PLEC: variants seen among roughly 807,000 people sequenced by gnomAD.
PLEC encodes the protein plectin, also known as hemidesmosomal protein 1.
PLEC carries 216 observed loss-of-function variants against 392.8 expected under a neutral mutation model. That is an observed-to-expected ratio of 0.55 (90% CI 0.49 to 0.62). The LOEUF is 0.62. PLEC is among the 20% of genes least tolerant of loss of function. PLEC has a pLI of 0.00. For missense variants in PLEC, 6,863 were observed against 6,563.4 expected (o/e 1.05, Z -1.58); for synonymous variants, 3,621 against 2,980.6 (o/e 1.21, Z -7.00).
Position 143,916,262 on chromosome 8 carries a change from G to A in PLEC, c.13559C>T (p.Ser4520Phe). ...GSGFSMTFSS[S>F]SYSSSGYGRR... Reference sequence around the variant, plus strand: ...GCCGTAGCCCGAGGAGGAGTAGGAGGATGAAGAGAAGGTCATGGAGAAGCC... The same window carrying A: ...GCCGTAGCCCGAGGAGGAGTAGGAGAATGAAGAGAAGGTCATGGAGAAGCC... The change falls in exon 32 of 32, where the codon TCC (serine) becomes TTC (phenylalanine). Residue 4520 changes from serine (S) to phenylalanine (F), a missense_variant. Coordinates refer to ENST00000345136, the MANE Select transcript of PLEC (RefSeq NM_201384.3). 6.4e-7 allele frequency: 1 copy of A among 1,551,178 alleles called. No homozygotes were observed. Among genetic ancestry groups the A allele is most frequent in the South Asian group, 1.2e-5 (1 of 85,460 alleles).
intron 1 of PLEC, chr8:143,946,415 CT>C: frequency 1.6e-6 from 2 of 1,286,130 alleles, no homozygotes; most frequent in Non-Finnish European, 2.0e-6. Flanking sequence ...GGCCAGGCTG[CT>C]CCGAGAGCCG....
Position 143,932,615 on chromosome 8 carries a change from C to G in PLEC, c.1815+20G>C. 1 of 1,611,240 alleles carries G rather than the reference C, an allele frequency of 6.2e-7. No individual in the cohort carries two copies. The highest frequency in any genetic ancestry group is 8.5e-7 in the Non-Finnish European group (1 of 1,179,320). The stretch of plus-strand genomic sequence containing the variant: ...GCCGCGGGCTACCCACCTCCCCCGG[C>G]TGGCCCTGCCCCCACTCACCAGCAG... On this transcript the variant is annotated intron_variant, in intron 15 of 31. Coordinates refer to ENST00000345136, the MANE Select transcript of PLEC (RefSeq NM_201384.3).
chr8:143,968,124 C>T (rs1333445268), intron 1 of PLEC, among the ~76,000 whole-genome samples: 1 of 147,244 alleles, frequency 6.8e-6, no homozygotes, highest in African/African-American at 2.5e-5. Context: ...CGAGACAGAG[C>T]GAGACTTCGT....
rs1554682758 is a variant in PLEC at position 143,920,725 on chromosome 8, C to T, written c.9096G>A (p.Glu3032=). 1.2e-6 allele frequency: 2 copies of T among 1,603,698 alleles called. No homozygotes were observed. Among genetic ancestry groups the T allele is most frequent in the Non-Finnish European group, 1.7e-6 (2 of 1,179,914 alleles). Residue 3032 remains glutamate, a synonymous_variant, in exon 32 of 32, where the codon GAG becomes GAA. Coordinates refer to ENST00000345136, the MANE Select transcript of PLEC (RefSeq NM_201384.3). ...GANVIAGVWL[E]EAGQKLSIYN... is the part of the protein sequence containing the mutation. ...AGATACTCAGCTTCTGCCCCGCCTC[C>T]TCCAGCCATACACCCGCGATGACGT...
At chr8:143,961,486 A>G (rs1832871591) in intron 1 of PLEC, among the ~76,000 whole-genome samples, 1 of 152,160 alleles carries the variant, frequency 6.6e-6, no homozygotes, top group Non-Finnish European at 1.5e-5. Context: ...GGCCCCCCAA[A>G]GTGTTGGGAT....
rs376694088 is a variant in PLEC at position 143,948,675 on chromosome 8, G to T, written c.523+1509C>A. On this transcript the variant is annotated intron_variant, in intron 1 of 31. Transcript: ENST00000322810. Reference sequence around the variant, plus strand: ...CCTCCATCGGGGAGGGGTGCCCTCCGCTCTGCCTGCTGCAGCCACACCCAG... The same window carrying T: ...CCTCCATCGGGGAGGGGTGCCCTCCTCTCTGCCTGCTGCAGCCACACCCAG... Among the ~76,000 whole-genome samples, 9 of 152,310 alleles carry T rather than the reference G, an allele frequency of 5.9e-5. No individual in the cohort carries two copies. In the South Asian group the frequency reaches 1.4e-3, roughly 25 times the overall value.
Position 143,932,574 on chromosome 8 carries a change from G to A in PLEC, c.1816-13C>T, listed in dbSNP as rs542683733. The A allele has an allele frequency of 6.2e-7, 1 of 1,612,466 alleles. No individual in the cohort carries two copies. Among genetic ancestry groups the A allele is most frequent in the African/African-American group, 1.3e-5 (1 of 75,034 alleles). On this transcript the variant is annotated splice_polypyrimidine_tract_variant and intron_variant, in intron 15 of 31. Coordinates refer to ENST00000345136, the MANE Select transcript of PLEC (RefSeq NM_201384.3). ...CCTTGGAGGAGTTCTGTGGGCAGGAGGGTGCGTGTCAGCAGGCCGCGGGCT... is the reference window on the plus strand; with the variant it reads ...CCTTGGAGGAGTTCTGTGGGCAGGAAGGTGCGTGTCAGCAGGCCGCGGGCT...
chr8:143,927,205 G>A (rs369087784), intron 28 of PLEC, 47 bp downstream of exon 28: 125 of 1,592,570 alleles, frequency 7.8e-5, no homozygotes, highest in Non-Finnish European at 9.8e-5. Flanking sequence ...CCATCATCCT[G>A]GCAACGGTCC....
At chr8:143,953,988 G>C (rs1227230665), upstream of PLEC, 2 of 1,222,544 alleles carry the variant, frequency 1.6e-6, no homozygotes, top group African/African-American at 3.2e-5. Context: ...CCCAGCCTGT[G>C]GTTCTGGGGC....
At chr8:143,964,938 C>G (rs1228769456) in intron 1 of PLEC, among the ~76,000 whole-genome samples, 3 of 152,192 alleles carry the variant, frequency 2.0e-5, no homozygotes, top group Admixed American at 6.5e-5. Flanking sequence ...CTACCTCCTT[C>G]TGCTCCTGCA....
At position 143,935,941 on chromosome 8, in the gene PLEC, C is replaced by T. The variant is rs782657140; in HGVS notation, c.509G>A (p.Arg170Gln). 11 of 1,612,932 alleles carry T rather than the reference C, an allele frequency of 6.8e-6. No homozygotes were observed. The highest frequency in any genetic ancestry group is 4.0e-5 in the African/African-American group (3 of 75,038). Residue 170 changes from arginine (R) to glutamine (Q), a missense_variant, in exon 6 of 32, where the codon CGA becomes CAA. Coordinates refer to ENST00000345136, the MANE Select transcript of PLEC (RefSeq NM_201384.3). The stretch of plus-strand genomic sequence containing the variant: ...CAGGCCCTGGTACCCCTCCACCATT[C>T]GCTGCGACCACAGCAGCAGCTTCTC... ...AKEKLLLWSQ[R>Q]MVEGYQGLRC...
chr8:143,950,242 C>T (rs1831989480), exon 1 of PLEC: 2 of 1,562,670 alleles, frequency 1.3e-6, no homozygotes, highest in Non-Finnish European at 1.7e-6. Flanking sequence ...TGGTAGCAGG[C>T]ACCACAGGGG....
chr8:143,937,875 G>A (rs1040484676), intron 3 of PLEC: 5 of 632,608 alleles, frequency 7.9e-6, no homozygotes, highest in Admixed American at 2.1e-5. Flanking sequence ...CGGAGCATGA[G>A]GTTACTGTGT....
At chr8:143,953,780 C>G (rs782041947), upstream of PLEC, 9 of 1,611,954 alleles carry the variant, frequency 5.6e-6, no homozygotes, top group South Asian at 1.1e-5. Flanking sequence ...ATGTCTGCGC[C>G]GGGGCTGAGG....
In PLEC at chr8:143,946,435, G is replaced by A. The variant is rs1554732280; in HGVS notation, c.523+3749C>T. ...GGCTGCTCCGAGAGCCGGCAGGGAG[G>A]AAGGCGAGGCAGGAAGGAGGGAAGG... is the stretch of plus-strand genomic sequence containing the variant. On this transcript the variant is annotated intron_variant, in intron 1 of 31. Transcript: ENST00000322810. 2.3e-6 allele frequency: 3 copies of A among 1,283,286 alleles called. No individual in the cohort carries two copies. In the South Asian group the frequency reaches 3.7e-5, roughly 16 times the overall value. The allele number at this position is 1,283,286 out of a possible 1,614,324, so 79.5% of individuals were successfully genotyped here.
intron 28 of PLEC, 42 bp from the exon 29 acceptor site, chr8:143,927,123 G>T: frequency 6.4e-7 from 1 of 1,572,624 alleles, no homozygotes. Context: ...TCTGCCCTCC[G>T]ATGGCCCCTG....
At position 143,973,021 on chromosome 8, in the gene PLEC, C is replaced by CT. The variant is rs1833508787; in HGVS notation, c.70+381dup. 6.6e-6 allele frequency among the ~76,000 whole-genome samples: 1 copy of CT among 152,194 alleles called. No individual in the cohort carries two copies. Among genetic ancestry groups the CT allele is most frequent in the East Asian group, 1.9e-4 (1 of 5,188 alleles). ...TGTGACCCATTGCCAGGCGGCGGAG[C>CT]TGCCCCTGTTCCATGCAGACGCGCC... On this transcript the variant is annotated intron_variant, in intron 1 of 31. Transcript: ENST00000356346. This position sits in a 1 kb window ranked among gnomAD's most constrained non-coding sequence, Gnocchi z 5.6.
chr8:143,928,033 G>T (rs369888784), intron 25 of PLEC, 41 bp from the exon 26 acceptor site: 6 of 1,560,102 alleles, frequency 3.8e-6, no homozygotes, highest in Non-Finnish European at 4.3e-6. Flanking sequence ...CATGGGGCTC[G>T]AGCAATAGCC....
Position 143,924,991 on chromosome 8 carries a change from C to G in PLEC, c.4938G>C (p.Leu1646=), listed in dbSNP as rs782262121. The G allele has an allele frequency of 2.5e-6, 4 of 1,577,156 alleles. No homozygotes were observed. The South Asian group carries it at 3.4e-5, about 13-fold the overall frequency. The part of the protein sequence containing the change: ...LKANEALRLR[L]QAEEVAQQKS... Reference sequence around the variant, plus strand: ...TCTGCTGCGCCACCTCCTCCGCCTGCAGCCGCAGCCGTAGCGCCTCGTTGG... The same window carrying G: ...TCTGCTGCGCCACCTCCTCCGCCTGGAGCCGCAGCCGTAGCGCCTCGTTGG... The change falls in exon 31 of 32, where the codon CTG becomes CTC. Residue 1646 remains leucine, a synonymous_variant. Coordinates refer to ENST00000345136, the MANE Select transcript of PLEC (RefSeq NM_201384.3).
Sources: gnomAD v4.1 joint callset for allele counts (sites outside exome capture counted in the v4.1 genomes callset) on GRCh38, gnomAD v4.1.1 for gene constraint, Gnocchi (gnomAD v3.1) non-coding constraint, MANE v1.5 for transcripts, NCBI Gene and HGNC (gene_info 2026-07-23, HGNC 2026-07-21) for gene names.